The following RARB variants were observed in gnomAD, a reference collection of about 807,000 sequenced individuals.
The protein encoded by RARB is retinoic acid receptor beta.
Under a neutral mutation model 51.9 loss-of-function variants are expected in RARB, and 17 were observed. The ratio of observed to expected loss-of-function variants is 0.33; its 90% CI spans 0.22 to 0.49. RARB has a LOEUF of 0.49. Among genes scored for constraint, RARB ranks in the 20% least tolerant of loss-of-function variants. RARB has a pLI of 0.99. For missense variants in RARB, 369 were observed against 550.8 expected, an observed-to-expected ratio of 0.67 and a Z score of 3.30; for synonymous variants, 215 against 195.4, an observed-to-expected ratio of 1.10 and a Z score of -0.84.
At chr3:25,215,505 G>A (rs34296249) in intron 5 of RARB, among the ~76,000 whole-genome samples, 19,922 of 152,074 alleles carry the variant, frequency 0.13, 1,714 homozygotes, top group South Asian at 0.28. Context: ...GCACTCTGGC[G>A]GGGTCATCTG....
At chr3:25,131,678 A>C (rs1397977437) in intron 3 of RARB, among the ~76,000 whole-genome samples, 1 of 151,996 alleles carries the variant, frequency 6.6e-6, no homozygotes. Context: ...TAGGAAATAT[A>C]TCAAGGCGGA....
chr3:25,212,509 CCG>C (rs1701722582), intron 5 of RARB, among the ~76,000 whole-genome samples: 4 of 151,998 alleles, frequency 2.6e-5, no homozygotes, highest in Non-Finnish European at 5.9e-5. Flanking sequence ...TCCCAGCTAC[CCG>C]GGAGGCTGAG....
chr3:25,346,849 G>GA (rs1373017577), intron 5 of RARB, among the ~76,000 whole-genome samples: 1 of 152,180 alleles, frequency 6.6e-6, no homozygotes, highest in Non-Finnish European at 1.5e-5. Flanking sequence ...CCTATTGGGG[G>GA]ATCTACCCTG....
chr3:25,374,706 G>C (rs1323507602), intron 5 of RARB, among the ~76,000 whole-genome samples: 1 of 152,102 alleles, frequency 6.6e-6, no homozygotes, highest in Non-Finnish European at 1.5e-5. Flanking sequence ...GTAGATCATA[G>C]ATCTAGAAGG....
intron 3 of RARB, among the ~76,000 whole-genome samples, chr3:25,555,927 A>G (rs576670293): frequency 1.3e-5 from 2 of 152,264 alleles, no homozygotes; most frequent in South Asian, 2.1e-4. Flanking sequence ...TGTTAAAGGA[A>G]GGGAAAAGGA....
rs769275874 is a variant in RARB, at chr3:24,989,774, C to CTTTTT, written c.-379-70319_-379-70315dup. On this transcript the variant is annotated intron_variant, in intron 2 of 11. Coordinates refer to the RARB transcript ENST00000383772. ...ATTTTAACTGTTGTCATATGTTTTT[C>CTTTTT]TTTTTTTTTTTTTTTTTTTTTTTTT... Among the ~76,000 whole-genome samples, 7 of 29,530 alleles carry CTTTTT rather than the reference C, an allele frequency of 2.4e-4. 1 individual carries two copies. The highest frequency in any genetic ancestry group is 1.2e-3 in the East Asian group (1 of 838). 19.4% of individuals were successfully genotyped at this position (29,530 alleles called of 152,430 possible).
intron 5 of RARB, among the ~76,000 whole-genome samples, chr3:25,387,745 T>A (rs1257658344): frequency 6.6e-6 from 1 of 152,088 alleles, no homozygotes; most frequent in African/African-American, 2.4e-5. Flanking sequence ...TTCAGCAATG[T>A]CTTTGTTCGA....
At chr3:25,143,797 C>T (rs1700146945) in intron 4 of RARB, among the ~76,000 whole-genome samples, 1 of 152,154 alleles carries the variant, frequency 6.6e-6, no homozygotes, top group Admixed American at 6.5e-5. Flanking sequence ...AGCTGAACTT[C>T]TTTGGGTCTC....
intron 5 of RARB, among the ~76,000 whole-genome samples, chr3:25,185,332 G>T (rs1219373355): frequency 3.3e-5 from 5 of 152,080 alleles, no homozygotes; most frequent in African/African-American, 1.2e-4. Flanking sequence ...TAGAGTTGGA[G>T]AACTAGTTAA....
chr3:25,309,419 G>T (rs112391609), intron 5 of RARB, among the ~76,000 whole-genome samples: 8 of 147,148 alleles, frequency 5.4e-5, no homozygotes, highest in East Asian at 2.0e-4. Context: ...GATAACAGGC[G>T]TGAGCCACCA....
chr3:24,982,797 G>A (rs973732407), intron 2 of RARB, among the ~76,000 whole-genome samples: 1 of 152,040 alleles, frequency 6.6e-6, no homozygotes, highest in African/African-American at 2.4e-5. Context: ...TGGGGGCTGG[G>A]GCATCATAAT....
intron 5 of RARB, among the ~76,000 whole-genome samples, chr3:25,297,630 G>A (rs1430792465): frequency 1.3e-5 from 2 of 151,646 alleles, no homozygotes; most frequent in African/African-American, 2.4e-5. Context: ...ATCTTCGTGG[G>A]GATTTTTTTC....
chr3:25,505,763 G>A (rs1188227116), intron 3 of RARB, among the ~76,000 whole-genome samples: 1 of 152,126 alleles, frequency 6.6e-6, no homozygotes, highest in Non-Finnish European at 1.5e-5. Context: ...AAACTGACTC[G>A]AATGATGAAC....
chr3:25,178,232 G>A (rs1700794745), intron 5 of RARB, among the ~76,000 whole-genome samples: 1 of 152,052 alleles, frequency 6.6e-6, no homozygotes, highest in Non-Finnish European at 1.5e-5. Context: ...ACATGCCCTT[G>A]TCTTTGCATT....
intron 3 of RARB, among the ~76,000 whole-genome samples, chr3:25,539,821 AT>A (rs146537807): frequency 0.1 from 15,292 of 152,098 alleles, 798 homozygotes; most frequent in Admixed American, 0.14. Context: ...GTCTTATACA[AT>A]TGACTCTTAA....
At chr3:25,221,310 G>A (rs556944307) in intron 5 of RARB, among the ~76,000 whole-genome samples, 3 of 150,088 alleles carry the variant, frequency 2.0e-5, no homozygotes, top group South Asian at 2.1e-4. Flanking sequence ...CTGTCCTTAC[G>A]CTATGTGCTA....
intron 3 of RARB, among the ~76,000 whole-genome samples, chr3:25,114,365 C>T (rs1437314825): frequency 6.6e-6 from 1 of 152,178 alleles, no homozygotes; most frequent in Non-Finnish European, 1.5e-5. Flanking sequence ...CACTGAGCTA[C>T]TCCACTTGGA....
intron 2 of RARB, among the ~76,000 whole-genome samples, chr3:24,978,115 T>C (rs934095358): frequency 6.6e-6 from 1 of 152,218 alleles, no homozygotes; most frequent in Non-Finnish European, 1.5e-5. Flanking sequence ...TTGATCATGG[T>C]GGATAAACTT....
chr3:25,372,109 A>G (rs1706317967), intron 5 of RARB, among the ~76,000 whole-genome samples: 1 of 152,256 alleles, frequency 6.6e-6, no homozygotes, highest in African/African-American at 2.4e-5. Context: ...CTTGTAGGCC[A>G]GGATAAAAAG....
Sources: allele counts gnomAD v4.1 joint callset (sites outside exome capture counted in the v4.1 genomes callset), GRCh38; gene constraint gnomAD v4.1.1; transcripts MANE v1.5; gene names NCBI Gene and HGNC (gene_info 2026-07-23, HGNC 2026-07-21).